NDUFA10: variants seen among roughly 807,000 people sequenced by gnomAD.
NDUFA10 encodes NADH:ubiquinone oxidoreductase subunit A10.
NDUFA10 carries 40 observed loss-of-function variants against 47.8 expected under a neutral mutation model. The ratio of observed to expected loss-of-function variants is 0.84; its 90% CI spans 0.65 to 1.09. NDUFA10 has a LOEUF of 1.09. NDUFA10 is among the 50% of genes least tolerant of loss of function. The pLI, the probability that NDUFA10 is intolerant of heterozygous loss-of-function variation, is 0.00. For synonymous variants in NDUFA10, 183 were observed against 172.2 expected (o/e 1.06, Z -0.49); for missense variants, 413 against 451.1 (o/e 0.92, Z 0.76).
At chr2:239,964,928 C>A (rs557737808) in intron 9 of NDUFA10, among the ~76,000 whole-genome samples, 35 of 152,304 alleles carry the variant, frequency 2.3e-4, no homozygotes, top group Admixed American at 1.9e-3. Flanking sequence ...CAAACCCACA[C>A]GACGGCCAGC....
At chr2:239,932,955 G>A (rs750486816) in intron 4 of NDUFA10, among the ~76,000 whole-genome samples, 1 of 152,166 alleles carries the variant, frequency 6.6e-6, no homozygotes, top group African/African-American at 2.4e-5. Flanking sequence ...CACTATGAGC[G>A]AGACTCCACC....
At chr2:239,962,451 G>A (rs1694895429) in intron 9 of NDUFA10, among the ~76,000 whole-genome samples, 1 of 152,128 alleles carries the variant, frequency 6.6e-6, no homozygotes, top group African/African-American at 2.4e-5. Flanking sequence ...TGAAGCAGCA[G>A]ACAGGTCGCC....
At chr2:240,008,544 T>G (rs903228078) in intron 6 of NDUFA10, among the ~76,000 whole-genome samples, 1 of 152,198 alleles carries the variant, frequency 6.6e-6, no homozygotes, top group Non-Finnish European at 1.5e-5. Context: ...TCAACTGAAG[T>G]GTATAGGAGA....
rs990486970 is a variant in NDUFA10, at chr2:239,987,391, T to C, written c.999+2683A>G. Among the ~76,000 whole-genome samples the C allele has an allele frequency of 7.2e-5, 11 of 152,024 alleles. 1 individual carries two copies. Among genetic ancestry groups the C allele is most frequent in the Non-Finnish European group, 1.6e-4 (11 of 67,998 alleles). On this transcript the variant is annotated intron_variant, in intron 9 of 9. Transcript: ENST00000252711. This position sits in a 1 kb window ranked among gnomAD's most constrained non-coding sequence, Gnocchi z 4.8. Reference sequence around the variant, plus strand: ...CCCTGCGTGTCTAGTCCAGGAGGCCTGGACTGAAGCCTGAGAACTTACATT... The same window carrying C: ...CCCTGCGTGTCTAGTCCAGGAGGCCCGGACTGAAGCCTGAGAACTTACATT...
Position 239,907,048 on chromosome 2 carries a change from T to G in NDUFA10, c.295-11734A>C, listed in dbSNP as rs181262561. ...AGTAATCAAAACAGCATGGTGCTGG[T>G]GCCAAAACAGAGATATAGACCAATG... On this transcript the variant is annotated intron_variant, in intron 4 of 5. Transcript: ENST00000419408. 9.3e-3 allele frequency among the ~76,000 whole-genome samples: 1,422 copies of G among 152,270 alleles called. 22 individuals carry two copies. Among genetic ancestry groups the G allele is most frequent in the African/African-American group, 0.032 (1,344 of 41,548 alleles).
intron 9 of NDUFA10, among the ~76,000 whole-genome samples, chr2:239,984,841 C>T (rs959986750): frequency 2.0e-5 from 3 of 152,210 alleles, no homozygotes; most frequent in East Asian, 1.9e-4. Context: ...CTGAGAAGCC[C>T]GGCAGAGCTT....
intron 9 of NDUFA10, among the ~76,000 whole-genome samples, chr2:239,962,832 T>A (rs892223244): frequency 4.6e-5 from 7 of 151,620 alleles, no homozygotes; most frequent in Non-Finnish European, 8.8e-5. Context: ...ATGAGGCGGG[T>A]AGGGGGTGGG....
In NDUFA10 at chr2:239,937,266, G is replaced by A. The variant is rs75688901; in HGVS notation, c.295-41952C>T. Among the ~76,000 whole-genome samples the A allele has an allele frequency of 5.0e-3, 763 of 152,316 alleles. 7 individuals are homozygous for A. The highest frequency in any genetic ancestry group is 0.018 in the African/African-American group (732 of 41,588). On this transcript the variant is annotated intron_variant, in intron 4 of 5. Transcript: ENST00000419408. ...TACACCCATTTCGAGTATGCAACTC[G>A]ATGTTTTCAGGAAATTTACAGAATT... is the stretch of plus-strand genomic sequence containing the variant.
chr2:239,932,046 G>A (rs1694183794), intron 4 of NDUFA10, among the ~76,000 whole-genome samples: 1 of 151,908 alleles, frequency 6.6e-6, no homozygotes, highest in Admixed American at 6.6e-5. Context: ...ATATTAGCCA[G>A]GATGGTCTCA....
Position 239,984,631 on chromosome 2 carries a change from C to T in NDUFA10, c.999+5443G>A, listed in dbSNP as rs545127775. On this transcript the variant is annotated intron_variant, in intron 9 of 9. Transcript: ENST00000252711. The stretch of plus-strand genomic sequence containing the variant: ...TGAGCTCACCATGTAACTGTTAAAA[C>T]GGCTAACACATCTGTCCCCTCCTGA... Among the ~76,000 whole-genome samples the T allele has an allele frequency of 3.2e-4, 48 of 152,330 alleles. No homozygotes were observed. The South Asian group carries it at 9.7e-3, about 31-fold the overall frequency.
chr2:239,975,395 C>T (rs1695479399), intron 9 of NDUFA10, among the ~76,000 whole-genome samples: 2 of 152,234 alleles, frequency 1.3e-5, no homozygotes, highest in Admixed American at 6.5e-5. Context: ...ACCCCCACAC[C>T]TTAGTCTGTG....
rs77172672 is a variant in NDUFA10, at chr2:239,899,460, G to A, written c.295-4146C>T. ...GAATGTGGAGGGTTGTGATGGAGGG[G>A]TGTGACGGAGGGGTGTGATGGAGAG... On this transcript the variant is annotated intron_variant, in intron 4 of 5. Coordinates refer to the NDUFA10 transcript ENST00000419408. Among the ~76,000 whole-genome samples, 89 of 112,554 alleles carry A rather than the reference G, an allele frequency of 7.9e-4. 7 individuals are homozygous for A. The highest frequency in any genetic ancestry group is 4.8e-3 in the Middle Eastern group (1 of 210). 73.8% of individuals were successfully genotyped at this position (112,554 alleles called of 152,430 possible). A position where few individuals can be genotyped will look rare whatever the true frequency, so the allele number is the denominator to read the frequency against.
intron 4 of NDUFA10, among the ~76,000 whole-genome samples, chr2:239,937,703 C>T (rs912234634): frequency 1.3e-5 from 2 of 152,158 alleles, no homozygotes; most frequent in African/African-American, 4.8e-5. Context: ...TTGAGCTGAT[C>T]CTGATTCTAC....
rs188684181 is a variant in NDUFA10 at position 240,019,207 on chromosome 2, T to C, written c.461-568A>G. 2.1e-3 allele frequency among the ~76,000 whole-genome samples: 320 copies of C among 152,332 alleles called. 1 individual carries two copies. Among genetic ancestry groups the C allele is most frequent in the African/African-American group, 6.9e-3 (285 of 41,582 alleles). On this transcript the variant is annotated intron_variant, in intron 3 of 9. Transcript: ENST00000252711. ...CTTCCTCAGAGCAGCCACCACTCAC[T>C]TGGGGCAAGACATTCCTGTTTCCAC... is the stretch of plus-strand genomic sequence containing the variant.
chr2:239,929,189 A>G (rs1694116158), intron 4 of NDUFA10, among the ~76,000 whole-genome samples: 1 of 152,170 alleles, frequency 6.6e-6, no homozygotes, highest in South Asian at 2.1e-4. Context: ...CTGACACTGC[A>G]GTGATGTGCG....
intron 1 of NDUFA10, among the ~76,000 whole-genome samples, chr2:240,024,435 C>G (rs1398969627): frequency 2.0e-5 from 3 of 152,144 alleles, no homozygotes; most frequent in African/African-American, 7.2e-5. Flanking sequence ...TTAATGAGAT[C>G]TGTGGTTGTC....
At chr2:239,977,150 G>C (rs1283547440) in intron 9 of NDUFA10, among the ~76,000 whole-genome samples, 1 of 152,142 alleles carries the variant, frequency 6.6e-6, no homozygotes, top group Non-Finnish European at 1.5e-5. Flanking sequence ...AGACAAGAGA[G>C]ACAGCAAGTC....
intron 4 of NDUFA10, among the ~76,000 whole-genome samples, chr2:239,933,427 A>C (rs1694210568): frequency 6.6e-6 from 1 of 151,902 alleles, no homozygotes; most frequent in South Asian, 2.1e-4. Context: ...CTGGGGAGCG[A>C]CCTGGAGCCA....
chr2:240,009,814 T>A (rs1231029654), intron 6 of NDUFA10, among the ~76,000 whole-genome samples: 1 of 152,258 alleles, frequency 6.6e-6, no homozygotes, highest in Non-Finnish European at 1.5e-5. Context: ...GATCTAACAA[T>A]ATTGTCTTCT....
Sources: gnomAD v4.1 joint callset for allele counts (sites outside exome capture counted in the v4.1 genomes callset) on GRCh38, gnomAD v4.1.1 for gene constraint, Gnocchi (gnomAD v3.1) non-coding constraint, MANE v1.5 for transcripts, NCBI Gene and HGNC (gene_info 2026-07-23, HGNC 2026-07-21) for gene names.